Variants in FRK observed in about 807,000 individuals in gnomAD.
The protein encoded by FRK is fyn related Src family tyrosine kinase, also known as tyrosine-protein kinase FRK.
Under a neutral mutation model 56.4 loss-of-function variants are expected in FRK, and 51 were observed. That is an observed-to-expected ratio of 0.90 (90% CI 0.72 to 1.14). FRK has a LOEUF of 1.14. Among genes scored for constraint, FRK ranks in the 50% most tolerant of loss-of-function variants. The probability of loss-of-function intolerance (pLI) is 0.00; values close to 1 mark genes in which losing one functional copy is unlikely to be tolerated. For missense variants in FRK, 570 were observed against 601.4 expected (o/e 0.95, Z 0.55); for synonymous variants, 245 against 217.9 (o/e 1.12, Z -1.10).
chr6:116,039,265 AC>A, intron 1 of FRK: 1 of 1,488,100 alleles, frequency 6.7e-7, no homozygotes, highest in Non-Finnish European at 9.4e-7. Context: ...GGCCATTGGT[AC>A]CAGCAAGACT....
intron 1 of FRK, among the ~76,000 whole-genome samples, chr6:116,005,416 G>A (rs943000114): frequency 3.9e-5 from 6 of 152,106 alleles, no homozygotes; most frequent in African/African-American, 1.4e-4. Flanking sequence ...TGGAAAATGT[G>A]GCGAATCGCA....
the FRK span, among the ~76,000 whole-genome samples, chr6:116,069,950 C>A: frequency 6.6e-6 from 1 of 152,074 alleles, no homozygotes; most frequent in Non-Finnish European, 1.5e-5. Context: ...GTTTGTGCGG[C>A]AGGAATTTAG....
At chr6:115,976,435 G>A (rs1253679845) in intron 2 of FRK, among the ~76,000 whole-genome samples, 4 of 152,178 alleles carry the variant, frequency 2.6e-5, no homozygotes, top group African/African-American at 7.2e-5. Context: ...GTCAGAGGCT[G>A]TGTCTGCAAG....
intron 3 of FRK, 30 bp from the exon 4 acceptor site, chr6:115,967,749 T>TAA (rs11398565): frequency 0.26 from 313,140 of 1,189,374 alleles, 13,139 homozygotes; most frequent in East Asian, 0.46. Flanking sequence ...GAGCAATTGT[T>TAA]AAAAAAAAAA....
intron 2 of FRK, among the ~76,000 whole-genome samples, chr6:115,986,698 A>G (rs916438378): frequency 6.6e-6 from 1 of 152,150 alleles, no homozygotes; most frequent in African/African-American, 2.4e-5. Flanking sequence ...ATAACATTCA[A>G]ACGTGGTGGA....
the FRK span, among the ~76,000 whole-genome samples, chr6:116,080,064 A>C: frequency 1.3e-4 from 20 of 152,206 alleles, no homozygotes; most frequent in African/African-American, 4.8e-4. Flanking sequence ...TTTATAATAA[A>C]AGTATTTGAG....
At chr6:116,094,420 T>C in the FRK span, among the ~76,000 whole-genome samples, 31 of 152,254 alleles carry the variant, frequency 2.0e-4, no homozygotes, top group African/African-American at 7.5e-4. Flanking sequence ...CAAGGTCCAT[T>C]ACCATCCAAG....
At chr6:116,085,488 A>C in the FRK span, among the ~76,000 whole-genome samples, 1 of 152,372 alleles carries the variant, frequency 6.6e-6, no homozygotes, top group African/African-American at 2.4e-5. Flanking sequence ...AAGAAAGCAA[A>C]AGTGTTGAAC....
At chr6:116,018,436 G>C (rs1284062443) in intron 1 of FRK, among the ~76,000 whole-genome samples, 1 of 152,110 alleles carries the variant, frequency 6.6e-6, no homozygotes, top group Non-Finnish European at 1.5e-5. Flanking sequence ...GCATCCTCTC[G>C]CTGTCCAGAA....
chr6:115,942,463 T>C lies in FRK; in HGVS notation c.1469A>G (p.Tyr490Cys), dbSNP rs892044220. The C allele has an allele frequency of 1.2e-6, 2 of 1,613,744 alleles. No homozygotes were observed. The highest frequency in any genetic ancestry group is 1.7e-6 in the Non-Finnish European group (2 of 1,179,722). The change falls in exon 8 of 8, where the codon TAT becomes TGT. Residue 490 changes from tyrosine to cysteine, a missense_variant. Tyr to Cys is a radical substitution (Grantham distance 194). Transcript: ENST00000606080. ...TGAATATGAAGAGTCTGTTTCAAAA[T>C]AGTCTTCAAGTTTCCAACGCAGTGT... ...FETLRWKLED[Y>C]FETDSSYSDA... is the part of the protein sequence containing the mutation.
upstream of FRK, among the ~76,000 whole-genome samples, chr6:116,061,432 A>G (rs1321999167): frequency 6.6e-6 from 1 of 151,230 alleles, no homozygotes; most frequent in African/African-American, 2.4e-5. Flanking sequence ...ACACACACAC[A>G]CGCTACACAC....
intron 1 of FRK, among the ~76,000 whole-genome samples, chr6:116,047,394 C>T (rs1163609058): frequency 6.7e-6 from 1 of 149,136 alleles, no homozygotes; most frequent in Non-Finnish European, 1.5e-5. Context: ...TGTTCCACTT[C>T]CTCTTTTTTT....
intron 2 of FRK, among the ~76,000 whole-genome samples, chr6:115,989,663 C>A (rs550465778): frequency 1.3e-5 from 2 of 151,838 alleles, no homozygotes; most frequent in South Asian, 4.2e-4. Flanking sequence ...AAATACATAC[C>A]ACATTTTCTT....
chr6:116,050,830 T>C (rs184603481), intron 1 of FRK, among the ~76,000 whole-genome samples: 159 of 152,256 alleles, frequency 1.0e-3, no homozygotes, highest in African/African-American at 3.6e-3. Flanking sequence ...TGACCAGAAA[T>C]GGTGAAAAGA....
At chr6:116,011,439 C>G (rs1429865078) in intron 1 of FRK, among the ~76,000 whole-genome samples, 1 of 151,544 alleles carries the variant, frequency 6.6e-6, no homozygotes, top group Non-Finnish European at 1.5e-5. Context: ...ATAGACAGAT[C>G]CTAAAAAAAT....
chr6:116,087,124 A>C, the FRK span, among the ~76,000 whole-genome samples: 1 of 152,218 alleles, frequency 6.6e-6, no homozygotes, highest in Non-Finnish European at 1.5e-5. Context: ...TATTTTATAC[A>C]CATTGTTTTA....
chr6:116,081,449 G>C, the FRK span, among the ~76,000 whole-genome samples: 1 of 152,232 alleles, frequency 6.6e-6, no homozygotes, highest in African/African-American at 2.4e-5. Flanking sequence ...CTGAGGTCAG[G>C]AGTTTCAGAC....
intron 2 of FRK, among the ~76,000 whole-genome samples, chr6:115,973,933 C>A (rs532138721): frequency 6.7e-6 from 1 of 150,334 alleles, no homozygotes. Context: ...ATGTTAGTCC[C>A]AATTCATTTC....
At position 115,942,601 on chromosome 6, in the gene FRK, T is replaced by G. The variant is rs750461325; in HGVS notation, c.1331A>C (p.Gln444Pro). Residue 444 changes from glutamine (Q) to proline (P), a missense_variant, in exon 8 of 8, where the codon CAG (glutamine) becomes CCG (proline). By Grantham distance (76) the Gln-to-Pro change is moderately conservative. Transcript: ENST00000606080. ...AAGTCTATAGTTTTGAGCCAACATC[T>G]GGATTACCTGGGCACCTGTCATACC... The part of the protein sequence containing the change: ...YSGMTGAQVI[Q>P]MLAQNYRLPQ... 60 of 1,613,640 alleles carry G rather than the reference T, an allele frequency of 3.7e-5. No homozygotes were observed. The highest frequency in any genetic ancestry group is 4.7e-5 in the Non-Finnish European group (55 of 1,179,664).
Sources: gnomAD v4.1 joint callset for allele counts (sites outside exome capture counted in the v4.1 genomes callset) on GRCh38, gnomAD v4.1.1 for gene constraint, MANE v1.5 for transcripts, NCBI Gene and HGNC (gene_info 2026-07-23, HGNC 2026-07-21) for gene names.